BACH1: variants seen among roughly 807,000 people sequenced by gnomAD.
BACH1 encodes transcription regulator protein BACH1.
A neutral mutation model predicts 52.9 loss-of-function variants in BACH1; 35 were observed. The observed-to-expected ratio is 0.66, with a 90% CI of 0.51 to 0.88. The LOEUF (loss-of-function observed/expected upper bound fraction) is 0.88. Ranked by LOEUF, BACH1 falls within the 40% of genes least tolerant of loss-of-function variation. The probability of loss-of-function intolerance (pLI) is 0.00; values close to 1 mark genes in which losing one functional copy is unlikely to be tolerated. For missense variants in BACH1, 808 were observed against 872.6 expected (o/e 0.93, Z 0.93); for synonymous variants, 321 against 319.6 (o/e 1.00, Z -0.05).
chr21:29,346,981 A>G (rs1271376955), downstream of BACH1, among the ~76,000 whole-genome samples: 1 of 152,188 alleles, frequency 6.6e-6, no homozygotes. Context: ...AGTGTTCACC[A>G]GTGGGTGTCC....
intron 2 of BACH1, chr21:29,361,110 G>C (rs757586978): frequency 6.6e-6 from 1 of 152,202 alleles, no homozygotes; most frequent in African/African-American, 2.4e-5. Flanking sequence ...ACATAGTAGG[G>C]TCTCCAAAAA....
At chr21:29,305,104 A>G (rs1355977978) in intron 1 of BACH1, 1 of 151,016 alleles carries the variant, frequency 6.6e-6, no homozygotes, top group Non-Finnish European at 1.5e-5. Context: ...GGCCTTGGGT[A>G]CTCCCCTAGG....
chr21:29,298,977 G>T (rs1379518836), intron 1 of BACH1, 24 bp downstream of exon 1: 1 of 151,784 alleles, frequency 6.6e-6, no homozygotes, highest in Non-Finnish European at 1.5e-5. Context: ...CCGTCCCGCC[G>T]GCCCTTCTCC....
At chr21:29,304,372 G>A (rs1351606791) in intron 1 of BACH1, among the ~76,000 whole-genome samples, 4 of 152,006 alleles carry the variant, frequency 2.6e-5, no homozygotes. Flanking sequence ...CAATCCACCC[G>A]CCTTGGCTTC....
At position 29,321,335 on chromosome 21, in the gene BACH1, A is replaced by T. The variant is rs2088845242; in HGVS notation, c.55A>T (p.Asn19Tyr). The change falls in exon 2 of 5, where the codon AAT becomes TAT. Residue 19 changes from asparagine to tyrosine, a missense_variant. Asn to Tyr is a moderately radical substitution (Grantham distance 143). Transcript: ENST00000286800. ...CTATGAATCTTCTGTGCATAGCACC[A>T]ATGTTTTACTCAGCCTTAATGACCA... is the stretch of plus-strand genomic sequence containing the variant. ...FAYESSVHST[N>Y]VLLSLNDQRK... The T allele has an allele frequency of 6.2e-7, 1 of 1,614,104 alleles. No individual in the cohort carries two copies. Among genetic ancestry groups the T allele is most frequent in the African/African-American group, 1.3e-5 (1 of 74,930 alleles).
At chr21:29,325,142 A>G (rs1014933331) in intron 2 of BACH1, among the ~76,000 whole-genome samples, 10 of 152,114 alleles carry the variant, frequency 6.6e-5, no homozygotes, top group Non-Finnish European at 1.2e-4. Flanking sequence ...AGGCAGGAGA[A>G]TGGCGTGAAC....
chr21:29,320,847 C>A (rs551858577), intron 1 of BACH1, among the ~76,000 whole-genome samples: 215 of 152,290 alleles, frequency 1.4e-3, no homozygotes, highest in African/African-American at 4.9e-3. Flanking sequence ...CTGGCTGTCT[C>A]TCCTGCCTTC....
chr21:29,355,201 T>G (rs904800734), intron 2 of BACH1, among the ~76,000 whole-genome samples: 1 of 152,150 alleles, frequency 6.6e-6, no homozygotes, highest in East Asian at 1.9e-4. Flanking sequence ...TTTTACAGAG[T>G]GCTGATTGGT....
At chr21:29,306,831 C>A (rs967289630) in intron 1 of BACH1, among the ~76,000 whole-genome samples, 1 of 151,928 alleles carries the variant, frequency 6.6e-6, no homozygotes, top group African/African-American at 2.4e-5. Flanking sequence ...CTTTTACAAT[C>A]AAATCAAATC....
intron 1 of BACH1, among the ~76,000 whole-genome samples, chr21:29,309,843 T>A (rs2088700083): frequency 6.6e-6 from 1 of 152,204 alleles, no homozygotes; most frequent in Non-Finnish European, 1.5e-5. Context: ...CTAATAATTC[T>A]GTGTGTTTAA....
At chr21:29,320,357 A>G (rs1020519405) in intron 1 of BACH1, among the ~76,000 whole-genome samples, 2 of 152,218 alleles carry the variant, frequency 1.3e-5, no homozygotes, top group African/African-American at 4.8e-5. Context: ...CAGAACATAT[A>G]TATCAGAATA....
At chr21:29,361,440 A>T (rs1249180249) in intron 2 of BACH1, 1 of 151,162 alleles carries the variant, frequency 6.6e-6, no homozygotes, top group Non-Finnish European at 1.5e-5. Flanking sequence ...CTTGGAGTGT[A>T]TTTTTTTTTG....
intron 4 of BACH1, among the ~76,000 whole-genome samples, chr21:29,338,555 G>T (rs371432): frequency 2.6e-5 from 4 of 151,788 alleles, no homozygotes; most frequent in African/African-American, 9.7e-5. Context: ...TTTTGTGAAG[G>T]TGAGGTTTCG....
downstream of BACH1, among the ~76,000 whole-genome samples, chr21:29,348,395 A>G (rs1000481382): frequency 2.0e-5 from 3 of 152,082 alleles, no homozygotes; most frequent in East Asian, 5.8e-4. Context: ...CAGTCATCCC[A>G]TACAACACTG....
At chr21:29,305,209 G>T (rs1569005958) in intron 1 of BACH1, 1 of 149,018 alleles carries the variant, frequency 6.7e-6, no homozygotes, top group African/African-American at 2.5e-5. Flanking sequence ...ATTAGCAAAA[G>T]ACTGTTGAAG....
At chr21:29,330,998 G>A (rs1370042598) in intron 4 of BACH1, among the ~76,000 whole-genome samples, 1 of 151,372 alleles carries the variant, frequency 6.6e-6, no homozygotes, top group Non-Finnish European at 1.5e-5. Context: ...TGATATTGCT[G>A]AATAGTTAAA....
At chr21:29,318,137 C>G (rs900435107) in intron 1 of BACH1, among the ~76,000 whole-genome samples, 1 of 152,108 alleles carries the variant, frequency 6.6e-6, no homozygotes, top group African/African-American at 2.4e-5. Flanking sequence ...AAGTAATAAG[C>G]ATAAATATTG....
intron 1 of BACH1, among the ~76,000 whole-genome samples, chr21:29,301,299 G>A (rs532818283): frequency 4.5e-4 from 68 of 152,266 alleles, no homozygotes; most frequent in African/African-American, 1.6e-3. Flanking sequence ...GCTTAAAGAT[G>A]CAGACTAACA....
intron 2 of BACH1, among the ~76,000 whole-genome samples, chr21:29,323,166 G>T (rs1352987774): frequency 6.6e-6 from 1 of 151,988 alleles, no homozygotes. Context: ...AATTTTTATC[G>T]AGTGTATTAG....
Sources: allele counts gnomAD v4.1 joint callset (sites outside exome capture counted in the v4.1 genomes callset), GRCh38; gene constraint gnomAD v4.1.1; transcripts MANE v1.5; gene names NCBI Gene and HGNC (gene_info 2026-07-23, HGNC 2026-07-21).